CACNA2D3: variants seen among roughly 807,000 people sequenced by gnomAD.
CACNA2D3 encodes voltage-dependent calcium channel subunit alpha-2/delta-3.
A neutral mutation model predicts 160.6 loss-of-function variants in CACNA2D3; 60 were observed. The observed-to-expected ratio is 0.37, with a 90% CI of 0.30 to 0.46. CACNA2D3 has a LOEUF of 0.46. Among genes scored for constraint, CACNA2D3 ranks in the 20% least tolerant of loss-of-function variants. The pLI, the probability that CACNA2D3 is intolerant of heterozygous loss-of-function variation, is 1.00. For missense variants in CACNA2D3, 1,205 were observed against 1,365.0 expected, an observed-to-expected ratio of 0.88 and a Z score of 1.85; for synonymous variants, 558 against 492.9, an observed-to-expected ratio of 1.13 and a Z score of -1.75.
At chr3:54,939,939 T>A (rs1237209755) in intron 27 of CACNA2D3, among the ~76,000 whole-genome samples, 1 of 152,188 alleles carries the variant, frequency 6.6e-6, no homozygotes, top group East Asian at 1.9e-4. Context: ...GAATGACCAC[T>A]CCCTTTCCAT....
At chr3:54,752,326 G>T (rs943993543) in intron 11 of CACNA2D3, among the ~76,000 whole-genome samples, 2 of 152,182 alleles carry the variant, frequency 1.3e-5, no homozygotes, top group South Asian at 4.1e-4. Flanking sequence ...GGCCTGTGAG[G>T]CTGCCAGTCT....
intron 4 of CACNA2D3, among the ~76,000 whole-genome samples, chr3:54,393,879 C>G: frequency 6.6e-6 from 1 of 152,168 alleles, no homozygotes; most frequent in Non-Finnish European, 1.5e-5. Context: ...TATGAGACAC[C>G]CGTCTTCTTG....
At chr3:54,781,650 A>G (rs964294433) in intron 13 of CACNA2D3, among the ~76,000 whole-genome samples, 2 of 152,248 alleles carry the variant, frequency 1.3e-5, no homozygotes, top group South Asian at 4.1e-4. Context: ...TAATTTGTAC[A>G]TGTTAAAATA....
At chr3:54,389,968 C>T (rs1439767377) in intron 4 of CACNA2D3, among the ~76,000 whole-genome samples, 1 of 152,170 alleles carries the variant, frequency 6.6e-6, no homozygotes, top group Non-Finnish European at 1.5e-5. Context: ...GGAATGTCCT[C>T]ATTCTTTGAT....
chr3:54,294,177 A>C (rs575890615), intron 2 of CACNA2D3, among the ~76,000 whole-genome samples: 4 of 152,340 alleles, frequency 2.6e-5, no homozygotes, highest in Admixed American at 6.5e-5. Context: ...AGAAAGACTA[A>C]GTAACAGCCT....
intron 13 of CACNA2D3, among the ~76,000 whole-genome samples, chr3:54,814,271 G>A (rs532710725): frequency 9.8e-5 from 15 of 152,320 alleles, no homozygotes; most frequent in Admixed American, 5.9e-4. Context: ...TGGGTCTCAA[G>A]GTAAAACCTA....
intron 35 of CACNA2D3, among the ~76,000 whole-genome samples, chr3:55,050,199 C>T (rs1010482593): frequency 3.3e-5 from 5 of 150,184 alleles, no homozygotes; most frequent in African/African-American, 9.9e-5. Context: ...TTCCTAGTCT[C>T]GATGGTCTTT....
At chr3:54,459,156 T>G (rs1224633017) in intron 4 of CACNA2D3, among the ~76,000 whole-genome samples, 2 of 152,132 alleles carry the variant, frequency 1.3e-5, no homozygotes, top group Non-Finnish European at 2.9e-5. Flanking sequence ...CACATTTTCT[T>G]AATCCAGTCT....
At chr3:54,287,419 C>A (rs2107471652) in intron 2 of CACNA2D3, among the ~76,000 whole-genome samples, 1 of 151,612 alleles carries the variant, frequency 6.6e-6, no homozygotes, top group East Asian at 1.9e-4. Flanking sequence ...CACCCAGATT[C>A]ATAAAGCAAG....
At chr3:54,418,111 A>G (rs1559476021) in intron 4 of CACNA2D3, among the ~76,000 whole-genome samples, 2 of 152,116 alleles carry the variant, frequency 1.3e-5, no homozygotes, top group African/African-American at 2.4e-5. Context: ...AATAATATAA[A>G]AGGACTTTTT....
chr3:54,798,266 G>C (rs1702909561), intron 13 of CACNA2D3, among the ~76,000 whole-genome samples: 1 of 152,084 alleles, frequency 6.6e-6, no homozygotes, highest in Non-Finnish European at 1.5e-5. Flanking sequence ...TGGGCATGGT[G>C]GCCCACACCT....
intron 11 of CACNA2D3, among the ~76,000 whole-genome samples, chr3:54,687,135 G>GTTTTTTTTTTTTTTTTTTTTTTTTTTTT (rs1290353261): frequency 1.1e-5 from 1 of 88,896 alleles, no homozygotes; most frequent in Non-Finnish European, 2.2e-5. Context: ...TTTTTTTTTT[G>GTTTTTTTTTTTTTTTTTTTTTTTTTTTT]TTTTTTTTTT....
intron 9 of CACNA2D3, among the ~76,000 whole-genome samples, chr3:54,583,799 G>A (rs1448984836): frequency 2.6e-5 from 4 of 151,700 alleles, no homozygotes; most frequent in Non-Finnish European, 5.9e-5. Flanking sequence ...AGGGGCTTTG[G>A]GTCTTAAAGA....
chr3:54,522,809 C>G (rs1344956811), intron 5 of CACNA2D3, among the ~76,000 whole-genome samples: 1 of 152,152 alleles, frequency 6.6e-6, no homozygotes, highest in Non-Finnish European at 1.5e-5. Context: ...GACCTCATGA[C>G]CTAGTCAACT....
chr3:54,351,874 C>T (rs1052495641), intron 3 of CACNA2D3, among the ~76,000 whole-genome samples: 4 of 152,174 alleles, frequency 2.6e-5, no homozygotes, highest in Non-Finnish European at 5.9e-5. Flanking sequence ...TCAAAGATCT[C>T]GCAGAGTGGT....
At chr3:54,123,642 A>G in intron 2 of CACNA2D3, 48 bp downstream of exon 2, 1 of 1,456,546 alleles carries the variant, frequency 6.9e-7, no homozygotes, top group Non-Finnish European at 9.7e-7. Context: ...CGGCACAGAA[A>G]ATGGAGGCAG....
At chr3:54,496,790 A>G (rs1209622631) in intron 4 of CACNA2D3, among the ~76,000 whole-genome samples, 1 of 152,166 alleles carries the variant, frequency 6.6e-6, no homozygotes, top group Admixed American at 6.5e-5. Flanking sequence ...TCTGTCATCC[A>G]TCTCAAATTC....
chr3:54,731,507 A>C (rs1044970987), intron 11 of CACNA2D3, among the ~76,000 whole-genome samples: 2 of 152,124 alleles, frequency 1.3e-5, no homozygotes, highest in Non-Finnish European at 2.9e-5. Context: ...GGTCACAGTT[A>C]TTTACATCAT....
At chr3:55,005,726 C>T (rs1442368333) in intron 32 of CACNA2D3, among the ~76,000 whole-genome samples, 3 of 152,118 alleles carry the variant, frequency 2.0e-5, no homozygotes, top group Admixed American at 1.3e-4. Context: ...ATTTACAATG[C>T]GTAGACAATG....
Sources: gnomAD v4.1 joint callset for allele counts (sites outside exome capture counted in the v4.1 genomes callset) on GRCh38, gnomAD v4.1.1 for gene constraint, MANE v1.5 for transcripts, NCBI Gene and HGNC (gene_info 2026-07-23, HGNC 2026-07-21) for gene names.